Variants in AIFM2 observed in about 807,000 individuals in gnomAD.
AIFM2 encodes the protein ferroptosis suppressor protein 1.
A neutral mutation model predicts 35.7 loss-of-function variants in AIFM2; 38 were observed. The observed-to-expected ratio is 1.06, with a 90% CI of 0.82 to 1.39. The LOEUF (loss-of-function observed/expected upper bound fraction) is 1.39, where lower values mean the gene tolerates loss of function less well. Ranked by LOEUF, AIFM2 falls within the 40% of genes most tolerant of loss-of-function variation. AIFM2 has a pLI of 0.00. For synonymous variants in AIFM2, 185 were observed against 203.5 expected, an observed-to-expected ratio of 0.91 and a Z score of 0.77; for missense variants, 476 against 491.2, an observed-to-expected ratio of 0.97 and a Z score of 0.29.
At chr10:70,115,315 T>C (rs2136651577) in intron 7 of AIFM2, among the ~76,000 whole-genome samples, 195 bp from the exon 8 acceptor site, 1 of 152,340 alleles carries the variant, frequency 6.6e-6, no homozygotes, top group Non-Finnish European at 1.5e-5. Flanking sequence ...CTGAAGTCTC[T>C]ACCTCACAAC....
chr10:70,121,354 G>A, intron 3 of AIFM2, 143 bp from the exon 4 acceptor site: 1 of 1,333,616 alleles, frequency 7.5e-7, no homozygotes, highest in East Asian at 2.7e-5. Context: ...AGGCACCCGA[G>A]GCAGCCCCCA....
At chr10:70,129,962 T>C (rs765806908) in intron 1 of AIFM2, among the ~76,000 whole-genome samples, 29 of 151,804 alleles carry the variant, frequency 1.9e-4, no homozygotes, top group Admixed American at 3.9e-4. Context: ...TGCAGGCAGA[T>C]TGCTTGAGCT....
In AIFM2 at chr10:70,114,231, G is replaced by A. The variant is rs145638743; in HGVS notation, c.1069C>T (p.Arg357Trp). The A allele has an allele frequency of 1.2e-5, 19 of 1,613,664 alleles. No homozygotes were observed. The highest frequency in any genetic ancestry group is 6.7e-5 in the African/African-American group (5 of 74,836). The change falls in exon 9 of 9, where the codon CGG (arginine) becomes TGG (tryptophan). Residue 357 changes from arginine to tryptophan, a missense_variant. Physicochemically the swap from Arg to Trp is moderately radical, Grantham distance 101 (BLOSUM62 -3). Transcript: ENST00000307864. Reference sequence around the variant, plus strand: ...CAGCTCGTAGAGACGAACAGGTCCCGGCTCTTGGTCAGCCGAACCATGAGC... The same window carrying A: ...CAGCTCGTAGAGACGAACAGGTCCCAGCTCTTGGTCAGCCGAACCATGAGC... ...GRLMVRLTKS[R>W]DLFVSTSWKT...
At position 70,112,654 on chromosome 10, in the gene AIFM2, C is replaced by T. The variant is rs12251577; in HGVS notation, c.*1524G>A. 27,218 of 148,728 alleles carry T rather than the reference C, an allele frequency of 0.18. 3,215 individuals are homozygous for T. Among genetic ancestry groups the T allele is most frequent in the East Asian group, 0.41 (2,012 of 4,956 alleles). The allele number at this position is 148,728 out of a possible 1,614,324, so 9.2% of individuals were successfully genotyped here. A position where few individuals can be genotyped will look rare whatever the true frequency, so the allele number is the denominator to read the frequency against. ...CTCTGCCCGAGTACCCAGAGGCCAC[C>T]ATCAAAAGGGAGCAGGGAGGGGCAG... On this transcript the variant is annotated 3_prime_UTR_variant, in exon 9 of 9. Transcript: ENST00000307864.
At position 70,114,173 on chromosome 10, in the gene AIFM2, C is replaced by T. The variant is rs781008253; in HGVS notation, c.*5G>A. 26 of 1,609,862 alleles carry T rather than the reference C, an allele frequency of 1.6e-5. No individual in the cohort carries two copies. In the East Asian group the frequency reaches 5.4e-4, roughly 33 times the overall value. ...CTGCGGTAGTTCTCCCGCCTGGCCT[C>T]TCCATCAAGGTGGAGACTGCCTCAT... On this transcript the variant is annotated 3_prime_UTR_variant, in exon 9 of 9. Transcript: ENST00000307864.
chr10:70,125,715 C>A (rs1267533390), intron 1 of AIFM2, among the ~76,000 whole-genome samples: 2 of 151,990 alleles, frequency 1.3e-5, no homozygotes, highest in Non-Finnish European at 2.9e-5. Context: ...AAGTGATCCT[C>A]CCACCTCAAC....
At chr10:70,128,833 A>AAC (rs150925395) in intron 1 of AIFM2, among the ~76,000 whole-genome samples, 8 of 151,886 alleles carry the variant, frequency 5.3e-5, no homozygotes, top group African/African-American at 1.7e-4. Flanking sequence ...TCCCTCCCAC[A>AAC]ACACACACAC....
chr10:70,130,781 A>C (rs1306303989), intron 1 of AIFM2, among the ~76,000 whole-genome samples: 2 of 152,242 alleles, frequency 1.3e-5, no homozygotes, highest in African/African-American at 2.4e-5. Context: ...CCAAAGCCCC[A>C]GTGGGAATCA....
intron 2 of AIFM2, 137 bp downstream of exon 2, chr10:70,123,770 T>G (rs2072535632): frequency 6.9e-6 from 7 of 1,012,162 alleles, no homozygotes; most frequent in Non-Finnish European, 9.8e-6. Context: ...GACCTTGAGC[T>G]TCTCCAGAAC....
chr10:70,121,289 C>T (rs12774279), intron 3 of AIFM2, 78 bp from the exon 4 acceptor site: 1 of 1,419,526 alleles, frequency 7.0e-7, no homozygotes, highest in Non-Finnish European at 9.1e-7. Flanking sequence ...GCCTAGGCCT[C>T]TGCATCCTAC....
At position 70,117,691 on chromosome 10, in the gene AIFM2, T is replaced by C; in HGVS notation, c.616+121A>G. On this transcript the variant is annotated intron_variant, in intron 6 of 8. Transcript: ENST00000307864. This position sits in a 1 kb window ranked among gnomAD's most constrained non-coding sequence, Gnocchi z 4.7. ...CTTCATGCTCCACCCCAGGACACAG[T>C]GGAAAAGAGAGAGCCTGGGGTGGAC... is the stretch of plus-strand genomic sequence containing the variant. 2.7e-6 allele frequency: 2 copies of C among 729,548 alleles called. No homozygotes were observed. The highest frequency in any genetic ancestry group is 4.4e-6 in the Non-Finnish European group (2 of 457,956). The allele number at this position is 729,548 out of a possible 1,614,324, so 45.2% of individuals were successfully genotyped here.
intron 3 of AIFM2, among the ~76,000 whole-genome samples, chr10:70,121,726 AAAT>A (rs2072509035): frequency 1.4e-5 from 2 of 141,062 alleles, no homozygotes; most frequent in South Asian, 2.1e-4. Flanking sequence ...AATTAAAAAT[AAAT>A]AATAAAATAA....
chr10:70,119,301 G>C (rs2072471897), intron 5 of AIFM2, among the ~76,000 whole-genome samples: 1 of 152,218 alleles, frequency 6.6e-6, no homozygotes, highest in Admixed American at 6.5e-5. Context: ...TTTAACCCAA[G>C]GAGAGAGTCA....
Position 70,117,784 on chromosome 10 carries a change from G to A in AIFM2, c.616+28C>T. 2 of 1,572,752 alleles carry A rather than the reference G, an allele frequency of 1.3e-6. No homozygotes were observed. Among genetic ancestry groups the A allele is most frequent in the South Asian group, 1.1e-5 (1 of 88,296 alleles). On this transcript the variant is annotated intron_variant, in intron 6 of 8. Coordinates refer to ENST00000307864, the MANE Select transcript of AIFM2 (RefSeq NM_032797.6). This position sits in a 1 kb window ranked among gnomAD's most constrained non-coding sequence, Gnocchi z 4.7. ...CCACATCTCACCAGGCCAGGGCAGG[G>A]CAGGGAGGGAGGTGAGGGTGCACGT... is the stretch of plus-strand genomic sequence containing the variant.
In AIFM2 at chr10:70,131,172, G is replaced by A. The variant is rs539868031; in HGVS notation, c.-14+1562C>T. On this transcript the variant is annotated intron_variant, in intron 1 of 8. Transcript: ENST00000307864. This position sits in a 1 kb window ranked among gnomAD's most constrained non-coding sequence, Gnocchi z 4.1. ...AGAATGTCATCCCAGAGTTGCTCCA[G>A]TATTGCTTCACAAATATTACAAATA... Among the ~76,000 whole-genome samples, 18 of 152,332 alleles carry A rather than the reference G, an allele frequency of 1.2e-4. No homozygotes were observed. The South Asian group carries it at 3.7e-3, about 32-fold the overall frequency.
chr10:70,125,463 A>AAAAAAAAAAAAAC (rs2072555890), intron 1 of AIFM2, among the ~76,000 whole-genome samples: 1 of 121,822 alleles, frequency 8.2e-6, no homozygotes, highest in Non-Finnish European at 1.8e-5. Context: ...AAAAAAAAAA[A>AAAAAAAAAAAAAC]AAAAAAAAGC....
Position 70,114,051 on chromosome 10 carries a change from G to A in AIFM2, c.*127C>T. 8.1e-7 allele frequency: 1 copy of A among 1,235,884 alleles called. No individual in the cohort carries two copies. Among genetic ancestry groups the A allele is most frequent in the Non-Finnish European group, 1.1e-6 (1 of 910,742 alleles). The allele number at this position is 1,235,884 out of a possible 1,614,324, so 76.6% of individuals were successfully genotyped here. A position where few individuals can be genotyped will look rare whatever the true frequency, so the allele number is the denominator to read the frequency against. The stretch of plus-strand genomic sequence containing the variant: ...TTGTTTTATACAAGTTGCATTTCTA[G>A]CCACCACATCATTGGCATCTTATTC... On this transcript the variant is annotated 3_prime_UTR_variant, in exon 9 of 9. Coordinates refer to ENST00000307864, the MANE Select transcript of AIFM2 (RefSeq NM_032797.6).
chr10:70,112,361 A>G lies in AIFM2; in HGVS notation c.*1817T>C, dbSNP rs2072384304. ...AGGTCCTTCTAGAATATTGTAAGTC[A>G]ATAGAAGAAGGCCTGTCGCTCACAC... On this transcript the variant is annotated 3_prime_UTR_variant, in exon 9 of 9. Transcript: ENST00000307864. The G allele has an allele frequency of 6.6e-6, 1 of 152,210 alleles. No homozygotes were observed. Among genetic ancestry groups the G allele is most frequent in the Non-Finnish European group, 1.5e-5 (1 of 68,036 alleles). The allele number at this position is 152,210 out of a possible 1,614,324, so 9.4% of individuals were successfully genotyped here. A position where few individuals can be genotyped will look rare whatever the true frequency, so the allele number is the denominator to read the frequency against.
At chr10:70,123,369 T>C in intron 3 of AIFM2, 36 bp downstream of exon 3, 1 of 1,592,138 alleles carries the variant, frequency 6.3e-7, no homozygotes, top group Non-Finnish European at 8.6e-7. Context: ...CAGAGGGCCC[T>C]TGAGCCAGCT....
Sources: gnomAD v4.1 joint callset for allele counts (sites outside exome capture counted in the v4.1 genomes callset) on GRCh38, gnomAD v4.1.1 for gene constraint, Gnocchi (gnomAD v3.1) non-coding constraint, MANE v1.5 for transcripts, NCBI Gene and HGNC (gene_info 2026-07-23, HGNC 2026-07-21) for gene names.